The following PDLIM1 variants were observed in gnomAD, a reference collection of about 807,000 sequenced individuals.
PDLIM1 encodes PDZ and LIM domain 1, also known as PDZ and LIM domain protein 1.
In PDLIM1, 25 loss-of-function variants were observed where a neutral mutation model predicts 35.2. The observed-to-expected ratio is 0.71, with a 90% CI of 0.52 to 0.99. The LOEUF is 0.99. PDLIM1 is among the 50% of genes least tolerant of loss of function. The pLI is 0.00. For missense variants in PDLIM1, 363 were observed against 415.3 expected (o/e 0.87, Z 1.09); for synonymous variants, 152 against 154.0 (o/e 0.99, Z 0.10).
rs1169238857 is a variant in PDLIM1, at chr10:95,238,120, G to GC, written c.804-10dup. ...GCTTCACAAACACACCACTACAGAA[G>GC]CAAGGGAGGGAAGGGACTCCATCAG... On this transcript the variant is annotated splice_polypyrimidine_tract_variant and intron_variant, in intron 6 of 6. Coordinates refer to ENST00000329399, the MANE Select transcript of PDLIM1 (RefSeq NM_020992.4). 8 of 1,607,712 alleles carry GC rather than the reference G, an allele frequency of 5.0e-6. No individual in the cohort carries two copies. Among genetic ancestry groups the GC allele is most frequent in the Non-Finnish European group, 6.0e-6 (7 of 1,174,980 alleles).
chr10:95,272,545 T>G (rs898333333), intron 1 of PDLIM1, among the ~76,000 whole-genome samples: 11 of 152,164 alleles, frequency 7.2e-5, no homozygotes, highest in Middle Eastern at 3.4e-3. Flanking sequence ...CCGGGTGTGA[T>G]CTCAGCTATT....
At chr10:95,247,189 C>T in intron 5 of PDLIM1, 26 bp downstream of exon 5, 1 of 1,600,102 alleles carries the variant, frequency 6.2e-7, no homozygotes, top group South Asian at 1.1e-5. Context: ...GAACAAGAGC[C>T]TCTGACTGCA....
rs576214678 is a variant in PDLIM1, at chr10:95,288,558, T to C, written c.96+2262A>G. Among the ~76,000 whole-genome samples, 13 of 151,694 alleles carry C rather than the reference T, an allele frequency of 8.6e-5. No homozygotes were observed. In the South Asian group the frequency reaches 2.1e-3, roughly 24 times the overall value. ...GGTGCTATCCCCACTGCAGAGGTTT[T>C]TTTTTTTAAGTAGCCTCAGACAGTG... On this transcript the variant is annotated intron_variant, in intron 1 of 6. Transcript: ENST00000329399.
intron 1 of PDLIM1, among the ~76,000 whole-genome samples, chr10:95,275,150 GC>G (rs2035500081): frequency 6.6e-6 from 1 of 152,084 alleles, no homozygotes; most frequent in Non-Finnish European, 1.5e-5. Context: ...CCTACTGGAT[GC>G]CCCCCGACCA....
At chr10:95,248,438 G>C (rs1384551533) in intron 4 of PDLIM1, among the ~76,000 whole-genome samples, 1 of 152,188 alleles carries the variant, frequency 6.6e-6, no homozygotes, top group Admixed American at 6.5e-5. Flanking sequence ...TGTAGAGACA[G>C]AGTCTTGCTG....
chr10:95,252,695 A>G (rs1440410900), intron 4 of PDLIM1, among the ~76,000 whole-genome samples: 11 of 152,254 alleles, frequency 7.2e-5, no homozygotes, highest in Admixed American at 7.2e-4. Flanking sequence ...AACAGAAGAT[A>G]TAAAGAATGA....
intron 2 of PDLIM1, among the ~76,000 whole-genome samples, chr10:95,271,262 C>A (rs1206420195): frequency 1.3e-5 from 2 of 151,302 alleles, no homozygotes; most frequent in Non-Finnish European, 2.9e-5. Context: ...CATGGTGAAA[C>A]CCCATCTCTA....
chr10:95,271,945 A>G (rs1359804171), intron 1 of PDLIM1, among the ~76,000 whole-genome samples, 161 bp from the exon 2 acceptor site: 1 of 152,230 alleles, frequency 6.6e-6, no homozygotes, highest in Non-Finnish European at 1.5e-5. Context: ...TCATTGACAA[A>G]GAGGGCTTTT....
chr10:95,264,735 TC>T (rs2035397914), intron 3 of PDLIM1, among the ~76,000 whole-genome samples: 3 of 147,950 alleles, frequency 2.0e-5, no homozygotes, highest in Non-Finnish European at 3.0e-5. Flanking sequence ...ACTTTTGAGT[TC>T]CTTGTGTTCT....
At chr10:95,238,311 C>T (rs1430962707) in intron 6 of PDLIM1, among the ~76,000 whole-genome samples, 200 bp from the exon 7 acceptor site, 4 of 151,954 alleles carry the variant, frequency 2.6e-5, no homozygotes, top group South Asian at 4.2e-4. Context: ...GACATTTTTC[C>T]AAAAACCCCT....
intron 1 of PDLIM1, among the ~76,000 whole-genome samples, chr10:95,277,069 G>A (rs1323051439): frequency 6.6e-6 from 1 of 151,836 alleles, no homozygotes; most frequent in Non-Finnish European, 1.5e-5. Context: ...AAAAAAATTT[G>A]CCAGGTGTGG....
intron 2 of PDLIM1, among the ~76,000 whole-genome samples, chr10:95,270,336 CAAA>C (rs943239754): frequency 2.4e-5 from 3 of 123,732 alleles, no homozygotes; most frequent in Non-Finnish European, 3.5e-5. Flanking sequence ...TGCCACAAAG[CAAA>C]AAAAAAAAAG....
chr10:95,272,360 A>G, intron 1 of PDLIM1, among the ~76,000 whole-genome samples: 1 of 152,336 alleles, frequency 6.6e-6, no homozygotes, highest in East Asian at 1.9e-4. Context: ...GTTTTTTACA[A>G]TAATATTGAA....
intron 1 of PDLIM1, among the ~76,000 whole-genome samples, chr10:95,281,476 G>A (rs1010548604): frequency 7.2e-5 from 11 of 152,136 alleles, no homozygotes; most frequent in African/African-American, 2.7e-4. Context: ...GAGGTGGAAG[G>A]ATCGCTTAAA....
intron 3 of PDLIM1, among the ~76,000 whole-genome samples, chr10:95,265,543 C>A (rs924131948): frequency 5.2e-5 from 7 of 135,776 alleles, no homozygotes; most frequent in Non-Finnish European, 1.1e-4. Flanking sequence ...TGCGGTGAGC[C>A]GAGATTGTAC....
chr10:95,274,961 G>C (rs1254922928), intron 1 of PDLIM1, among the ~76,000 whole-genome samples: 1 of 152,172 alleles, frequency 6.6e-6, no homozygotes, highest in Non-Finnish European at 1.5e-5. Flanking sequence ...ACCAGGTTAG[G>C]AGGATGAGAG....
At chr10:95,258,328 C>G (rs188970190) in intron 4 of PDLIM1, among the ~76,000 whole-genome samples, 1 of 152,034 alleles carries the variant, frequency 6.6e-6, no homozygotes, top group Admixed American at 6.6e-5. Flanking sequence ...AAGGCCCCAT[C>G]TCTACTAAAA....
At chr10:95,262,023 A>C (rs1378168593) in intron 4 of PDLIM1, among the ~76,000 whole-genome samples, 1 of 148,518 alleles carries the variant, frequency 6.7e-6, no homozygotes, top group African/African-American at 2.5e-5. Flanking sequence ...AAAAAAAAAA[A>C]GAAAGAAAGA....
intron 1 of PDLIM1, among the ~76,000 whole-genome samples, chr10:95,276,398 C>G (rs368675348): frequency 6.6e-6 from 1 of 152,166 alleles, no homozygotes; most frequent in South Asian, 2.1e-4. Flanking sequence ...CTCCCTACCA[C>G]AGGACAGTCA....
Sources: allele counts gnomAD v4.1 joint callset (sites outside exome capture counted in the v4.1 genomes callset), GRCh38; gene constraint gnomAD v4.1.1; transcripts MANE v1.5; gene names NCBI Gene and HGNC (gene_info 2026-07-23, HGNC 2026-07-21).